Variants in PNISR observed in about 807,000 individuals in gnomAD.
The protein encoded by PNISR is PNN interacting serine and arginine rich protein.
In PNISR, 20 loss-of-function variants were observed where a neutral mutation model predicts 93.4. The observed-to-expected ratio is 0.21, with a 90% CI of 0.15 to 0.31. The LOEUF (loss-of-function observed/expected upper bound fraction) is 0.31. PNISR is among the 10% of genes least tolerant of loss of function. The probability of loss-of-function intolerance (pLI) is 1.00; values close to 1 mark genes in which losing one functional copy is unlikely to be tolerated. For synonymous variants in PNISR, 305 were observed against 306.5 expected (o/e 0.99, Z 0.05); for missense variants, 893 against 985.4 (o/e 0.91, Z 1.25).
intron 5 of PNISR, chr6:99,410,090 TAGC>T (rs1776713880): frequency 6.6e-6 from 1 of 152,254 alleles, no homozygotes; most frequent in Non-Finnish European, 1.5e-5. Context: ...TAAATTATGA[TAGC>T]AGTTTATAAG....
At position 99,404,844 on chromosome 6, in the gene PNISR, T is replaced by C. The variant is rs923827538; in HGVS notation, c.1003-142A>G. 5.8e-4 allele frequency: 325 copies of C among 558,550 alleles called. 1 individual carries two copies. The highest frequency in any genetic ancestry group is 3.1e-4 in the Non-Finnish European group (98 of 313,288). 34.6% of individuals were successfully genotyped at this position (558,550 alleles called of 1,614,324 possible). On this transcript the variant is annotated intron_variant, in intron 8 of 11. Transcript: ENST00000369239. ...CCCAGGCTGGATCATACTGGCGTGATATTGGCTCACTGCAACCCCTACCTC... is the reference window on the plus strand; with the variant it reads ...CCCAGGCTGGATCATACTGGCGTGACATTGGCTCACTGCAACCCCTACCTC...
At chr6:99,413,168 G>T in intron 3 of PNISR, among the ~76,000 whole-genome samples, 2 of 151,624 alleles carry the variant, frequency 1.3e-5, no homozygotes, top group Admixed American at 6.6e-5. Flanking sequence ...ATCTTTCCAG[G>T]CCTGCATTCG....
At chr6:99,405,616 A>C (rs1294588558) in intron 8 of PNISR, among the ~76,000 whole-genome samples, 1 of 152,098 alleles carries the variant, frequency 6.6e-6, no homozygotes, top group East Asian at 1.9e-4. Flanking sequence ...CCAGGATGGA[A>C]CGCAGTGGCA....
Position 99,412,598 on chromosome 6 carries a change from T to C in PNISR, c.230A>G (p.His77Arg). The part of the protein sequence containing the change: ...MSTMESGPNN[H>R]GNFQGDSNFN... Reference sequence around the variant, plus strand: ...GTTTGAATCCCCTTGGAAATTCCCATGATTGTTTGGACCAGATTCCATTGT... The same window carrying C: ...GTTTGAATCCCCTTGGAAATTCCCACGATTGTTTGGACCAGATTCCATTGT... Residue 77 changes from histidine (H) to arginine (R), a missense_variant, in exon 4 of 12, where the codon CAT becomes CGT. His to Arg is a conservative substitution (Grantham distance 29, BLOSUM62 0). Transcript: ENST00000369239. The C allele has an allele frequency of 6.2e-7, 1 of 1,607,582 alleles. No individual in the cohort carries two copies. The highest frequency in any genetic ancestry group is 8.5e-7 in the Non-Finnish European group (1 of 1,178,126).
Position 99,400,508 on chromosome 6 carries a change from T to A in PNISR, c.*32A>T, listed in dbSNP as rs750165398. On this transcript the variant is annotated 3_prime_UTR_variant, in exon 12 of 12. Transcript: ENST00000369239. ...TTGAATAAATTCAGTCAATTTTTTT[T>A]AAAAATCAGACAAAATACTTTAAAA... 69 of 1,571,634 alleles carry A rather than the reference T, an allele frequency of 4.4e-5. No individual in the cohort carries two copies. Among genetic ancestry groups the A allele is most frequent in the African/African-American group, 1.4e-4 (10 of 72,916 alleles).
At position 99,400,968 on chromosome 6, in the gene PNISR, C is replaced by T. The variant is rs776073803; in HGVS notation, c.1990G>A (p.Glu664Lys). 1.2e-5 allele frequency: 19 copies of T among 1,608,672 alleles called. No individual in the cohort carries two copies. Among genetic ancestry groups the T allele is most frequent in the Non-Finnish European group, 1.6e-5 (19 of 1,175,634 alleles). Residue 664 changes from glutamate to lysine, a missense_variant, in exon 12 of 12, where the codon GAG (glutamate) becomes AAG (lysine). Coordinates refer to ENST00000369239, the MANE Select transcript of PNISR (RefSeq NM_032870.4). The stretch of plus-strand genomic sequence containing the variant: ...CTTCGACTCCTCTCCTTTTTCCTCT[C>T]TTGTTCTTTAGCCTCACCTTTATGC... ...HKHKGEAKEQERKKERSRSID... is the reference protein window; with the variant it reads ...HKHKGEAKEQKRKKERSRSID...
chr6:99,412,687 A>C lies in PNISR; in HGVS notation c.141T>G (p.Ala47=). The change falls in exon 4 of 12, where the codon GCT becomes GCG. Residue 47 remains alanine, a synonymous_variant. Coordinates refer to ENST00000369239, the MANE Select transcript of PNISR (RefSeq NM_032870.4). The stretch of plus-strand genomic sequence containing the variant: ...GTTCTACCATGCTTTGCTGTCCTGA[A>C]GCTTCTCTTTGGGCAATCCAAGCTT... ...LAQAWIAQRE[A]SGQQSMVEQP... The C allele has an allele frequency of 1.9e-6, 3 of 1,609,464 alleles. No individual in the cohort carries two copies. The highest frequency in any genetic ancestry group is 2.5e-6 in the Non-Finnish European group (3 of 1,178,690).
rs1406754666 is a variant in PNISR at position 99,410,907 on chromosome 6, G to A, written c.335C>T (p.Pro112Leu). ...HPPPDQPWMP[P>L]TPGPMDIVPP... Reference sequence around the variant, plus strand: ...AACAATGTCCATTGGGCCTGGTGTTGGTGGCATCCATGGCTGATCTGGAGG... The same window carrying A: ...AACAATGTCCATTGGGCCTGGTGTTAGTGGCATCCATGGCTGATCTGGAGG... The change falls in exon 5 of 12, where the codon CCA becomes CTA. Residue 112 changes from proline to leucine, a missense_variant. Transcript: ENST00000369239. 2 of 1,613,962 alleles carry A rather than the reference G, an allele frequency of 1.2e-6. No individual in the cohort carries two copies. Among genetic ancestry groups the A allele is most frequent in the African/African-American group, 1.3e-5 (1 of 74,914 alleles).
At chr6:99,402,814 T>G (rs980264817) in intron 10 of PNISR, 104 bp from the exon 11 acceptor site, 1 of 840,984 alleles carries the variant, frequency 1.2e-6, no homozygotes, top group African/African-American at 1.7e-5. Context: ...CATTGCCTTT[T>G]CCCAGAAGAA....
chr6:99,413,177 C>T (rs986641926), intron 3 of PNISR, among the ~76,000 whole-genome samples: 4 of 152,076 alleles, frequency 2.6e-5, no homozygotes, highest in African/African-American at 2.4e-5. Flanking sequence ...GGCCTGCATT[C>T]GAGCCTATAG....
Position 99,402,619 on chromosome 6 carries a change from C to T in PNISR, c.1248G>A (p.Arg416=), listed in dbSNP as rs1405946502. 4 of 1,613,520 alleles carry T rather than the reference C, an allele frequency of 2.5e-6. No individual in the cohort carries two copies. Among genetic ancestry groups the T allele is most frequent in the Admixed American group, 1.7e-5 (1 of 59,982 alleles). The change falls in exon 11 of 12, where the codon CGG becomes CGA. Residue 416 remains arginine, a synonymous_variant. Transcript: ENST00000369239. ...ESSDTDDEEL[R]HRIRQKQEAF... is the part of the protein sequence containing the mutation. ...CTTCCTGTTTTTGCCGGATTCGATGCCGTAATTCTTCATCATCAGTGTCAG... is the reference window on the plus strand; with the variant it reads ...CTTCCTGTTTTTGCCGGATTCGATGTCGTAATTCTTCATCATCAGTGTCAG...
At chr6:99,411,366 T>C (rs946213188) in intron 4 of PNISR, among the ~76,000 whole-genome samples, 1 of 152,142 alleles carries the variant, frequency 6.6e-6, no homozygotes, top group Non-Finnish European at 1.5e-5. Context: ...AGAAATTAGG[T>C]ATTATTTTTG....
intron 7 of PNISR, among the ~76,000 whole-genome samples, chr6:99,407,003 C>T (rs1562236740): frequency 1.6e-5 from 2 of 125,864 alleles, no homozygotes; most frequent in Admixed American, 9.2e-5. Flanking sequence ...ATTTGGAACA[C>T]CACTATTTCA....
chr6:99,404,827 G>A, intron 8 of PNISR, 125 bp from the exon 9 acceptor site: 1 of 572,444 alleles, frequency 1.7e-6, no homozygotes, highest in Non-Finnish European at 3.1e-6. Flanking sequence ...TGCCCAGGCT[G>A]GATCATACTG....
intron 4 of PNISR, 41 bp from the exon 5 acceptor site, chr6:99,411,005 A>G (rs764833306): frequency 1.4e-6 from 2 of 1,442,704 alleles, no homozygotes; most frequent in Non-Finnish European, 1.9e-6. Context: ...ACAGGCGGTT[A>G]TAACAAAATC....
chr6:99,403,330 A>C (rs542451322), intron 10 of PNISR: 1 of 152,402 alleles, frequency 6.6e-6, no homozygotes, highest in Admixed American at 6.5e-5. Context: ...CAAATAGTAA[A>C]TTATGAACAC....
rs147765039 is a variant in PNISR, at chr6:99,418,719, T to C, written c.-111-2291A>G. 1.7e-3 allele frequency among the ~76,000 whole-genome samples: 264 copies of C among 152,268 alleles called. 1 individual carries two copies. Among genetic ancestry groups the C allele is most frequent in the African/African-American group, 6.1e-3 (254 of 41,564 alleles). On this transcript the variant is annotated intron_variant, in intron 1 of 11. Coordinates refer to ENST00000369239, the MANE Select transcript of PNISR (RefSeq NM_032870.4). ...AATAAAAATACAGTAAAGAAGGTGATGGTAAGTTAAGGAAGTTAGAGGCTA... is the reference window on the plus strand; with the variant it reads ...AATAAAAATACAGTAAAGAAGGTGACGGTAAGTTAAGGAAGTTAGAGGCTA...
Position 99,409,348 on chromosome 6 carries a change from A to T in PNISR, c.502-4T>A, listed in dbSNP as rs202066035. 1 of 1,613,060 alleles carries T rather than the reference A, an allele frequency of 6.2e-7. No individual in the cohort carries two copies. Among genetic ancestry groups the T allele is most frequent in the East Asian group, 2.2e-5 (1 of 44,886 alleles). ...GTGGACCAAAAGCAGCCCCATGCTG[A>T]AAGAGTATTGCAGTTTATTTTTTCT... On this transcript the variant is annotated splice_region_variant and splice_polypyrimidine_tract_variant and intron_variant, in intron 5 of 11. Coordinates refer to ENST00000369239, the MANE Select transcript of PNISR (RefSeq NM_032870.4).
intron 1 of PNISR, 25 bp from the exon 2 acceptor site, chr6:99,416,453 TGC>T (rs1777710591): frequency 1.3e-6 from 1 of 783,760 alleles, no homozygotes; most frequent in African/African-American, 1.8e-5. Context: ...AGTAGATGTC[TGC>T]TTATAGATTA....
Sources: allele counts gnomAD v4.1 joint callset (sites outside exome capture counted in the v4.1 genomes callset), GRCh38; gene constraint gnomAD v4.1.1; transcripts MANE v1.5; gene names NCBI Gene and HGNC (gene_info 2026-07-23, HGNC 2026-07-21).